Variants in SCRN3 observed in about 807,000 individuals in gnomAD.
SCRN3 encodes the protein secernin 3.
A neutral mutation model predicts 43.1 loss-of-function variants in SCRN3; 39 were observed. The observed-to-expected ratio is 0.91, with a 90% CI of 0.70 to 1.18. The LOEUF (loss-of-function observed/expected upper bound fraction) is 1.18. SCRN3 is among the 50% of genes most tolerant of loss of function. The pLI is 0.00. For missense variants in SCRN3, 484 were observed against 498.0 expected (o/e 0.97, Z 0.27); for synonymous variants, 147 against 163.1 (o/e 0.90, Z 0.75).
chr2:174,409,717 CGTGTGAG>C (rs1685831016), intron 5 of SCRN3, among the ~76,000 whole-genome samples: 1 of 140,574 alleles, frequency 7.1e-6, no homozygotes, highest in Non-Finnish European at 1.6e-5. Flanking sequence ...AATACCCTGC[CGTGTGAG>C]GTGTCAGTGT....
At chr2:174,414,543 A>T (rs1686035597) in intron 5 of SCRN3, among the ~76,000 whole-genome samples, 2 of 152,174 alleles carry the variant, frequency 1.3e-5, no homozygotes, top group Admixed American at 1.3e-4. Context: ...ATATATACAG[A>T]ACATTCTCAT....
chr2:174,421,519 A>G (rs148796826), intron 5 of SCRN3, among the ~76,000 whole-genome samples: 1 of 152,348 alleles, frequency 6.6e-6, no homozygotes, highest in East Asian at 1.9e-4. Context: ...GCAGGGAGAC[A>G]AAGGCAGGTC....
At chr2:174,409,899 C>T (rs905881496) in intron 5 of SCRN3, 2 of 138,756 alleles carry the variant, frequency 1.4e-5, no homozygotes, top group African/African-American at 5.2e-5. Context: ...GTAGAGGTTA[C>T]TGCTGTCTTT....
In SCRN3 at chr2:174,427,796, G is replaced by A. The variant is rs1686539444; in HGVS notation, c.1176G>A (p.Lys392=). Residue 392 remains lysine (K), a synonymous_variant, in exon 8 of 8, where the codon AAG becomes AAA. Transcript: ENST00000272732. ...FREMESILQN[K]HLDVEKIVNL... is the part of the protein sequence containing the mutation. ...AGATGGAATCAATCCTTCAAAACAA[G>A]CATCTTGATGTGGAGAAAATTGTTA... 2 of 1,611,468 alleles carry A rather than the reference G, an allele frequency of 1.2e-6. No individual in the cohort carries two copies. The highest frequency in any genetic ancestry group is 8.5e-7 in the Non-Finnish European group (1 of 1,177,968).
At chr2:174,402,786 A>G (rs1409344929) in intron 4 of SCRN3, among the ~76,000 whole-genome samples, 2 of 152,202 alleles carry the variant, frequency 1.3e-5, no homozygotes, top group Non-Finnish European at 2.9e-5. Context: ...TAATGAGGGT[A>G]TCCCAAGTAT....
chr2:174,419,190 T>G (rs190022616), intron 5 of SCRN3, among the ~76,000 whole-genome samples: 39 of 152,320 alleles, frequency 2.6e-4, no homozygotes, highest in African/African-American at 9.1e-4. Context: ...TCTCTTTGTT[T>G]TTATGAGTTA....
At chr2:174,426,833 T>A (rs1235601257) in intron 7 of SCRN3, among the ~76,000 whole-genome samples, 1 of 151,954 alleles carries the variant, frequency 6.6e-6, no homozygotes, top group African/African-American at 2.4e-5. Flanking sequence ...AGTAACTTTT[T>A]ATTTATTTAT....
chr2:174,401,569 G>A (rs994636552), intron 4 of SCRN3, among the ~76,000 whole-genome samples: 1 of 152,202 alleles, frequency 6.6e-6, no homozygotes, highest in African/African-American at 2.4e-5. Flanking sequence ...AGTGGGGTTA[G>A]AGACAGGTGT....
intron 5 of SCRN3, among the ~76,000 whole-genome samples, chr2:174,414,905 AG>A (rs2105603696): frequency 6.6e-6 from 1 of 152,024 alleles, no homozygotes; most frequent in South Asian, 2.1e-4. Flanking sequence ...CTGGGATTAC[AG>A]GTGCCTGCCA....
intron 5 of SCRN3, among the ~76,000 whole-genome samples, chr2:174,411,259 A>G (rs933044733): frequency 2.6e-5 from 4 of 152,186 alleles, no homozygotes; most frequent in African/African-American, 4.8e-5. Flanking sequence ...CTGTATTTCT[A>G]TACCCACTAT....
In SCRN3 at chr2:174,405,662, A is replaced by G. The variant is rs1347660924; in HGVS notation, c.754+1347A>G. ...AGGTGTAAGGGAGGGATCCAGTTTC[A>G]GCTTCCTACATATGGCTAGCCAGTT... On this transcript the variant is annotated intron_variant, in intron 5 of 7. Transcript: ENST00000272732. Among the ~76,000 whole-genome samples, 2 of 146,144 alleles carry G rather than the reference A, an allele frequency of 1.4e-5. 1 individual carries two copies.
chr2:174,411,063 A>C (rs771937690), intron 5 of SCRN3, among the ~76,000 whole-genome samples: 11 of 151,760 alleles, frequency 7.2e-5, no homozygotes, highest in Non-Finnish European at 1.6e-4. Flanking sequence ...GAAAAATGCT[A>C]CTCCACTCCC....
chr2:174,422,917 C>A lies in SCRN3; in HGVS notation c.787C>A (p.Leu263Ile), dbSNP rs147537313. The A allele has an allele frequency of 5.0e-6, 8 of 1,609,766 alleles. No homozygotes were observed. In the African/African-American group the frequency reaches 1.1e-4, roughly 21 times the overall value. The change falls in exon 6 of 8, where the codon CTT becomes ATT. Residue 263 changes from leucine to isoleucine, a missense_variant. By Grantham distance (5) the Leu-to-Ile change is conservative. Transcript: ENST00000272732. ...NITFETMMEI[L>I]RDKPSGINME... ...AACTTTTGAAACAATGATGGAAATTCTTCGAGATAAACCAAGTGGCATTAA... is the reference window on the plus strand; with the variant it reads ...AACTTTTGAAACAATGATGGAAATTATTCGAGATAAACCAAGTGGCATTAA...
downstream of SCRN3, among the ~76,000 whole-genome samples, chr2:174,429,989 T>C (rs567279497): frequency 2.0e-5 from 3 of 152,350 alleles, no homozygotes; most frequent in East Asian, 5.8e-4. Context: ...TAATATTCGA[T>C]TGTCTGAATA....
At chr2:174,401,418 C>T (rs574105858) in intron 4 of SCRN3, among the ~76,000 whole-genome samples, 2 of 152,232 alleles carry the variant, frequency 1.3e-5, no homozygotes, top group African/African-American at 4.8e-5. Flanking sequence ...TTTCATATAA[C>T]CTGTATATAC....
At chr2:174,420,843 A>G (rs1170092566) in intron 5 of SCRN3, among the ~76,000 whole-genome samples, 1 of 152,210 alleles carries the variant, frequency 6.6e-6, no homozygotes, top group East Asian at 1.9e-4. Context: ...AAGGTCTCAC[A>G]TACATAAGAT....
At chr2:174,402,023 T>G (rs1229035097) in intron 4 of SCRN3, among the ~76,000 whole-genome samples, 1 of 152,212 alleles carries the variant, frequency 6.6e-6, no homozygotes, top group Non-Finnish European at 1.5e-5. Context: ...TTCATGAAGG[T>G]AGCCTTGAAC....
chr2:174,402,313 A>T (rs571195468), intron 4 of SCRN3, among the ~76,000 whole-genome samples: 1 of 152,178 alleles, frequency 6.6e-6, no homozygotes, highest in Non-Finnish European at 1.5e-5. Flanking sequence ...CTGTAGATTA[A>T]TTTTGCCAAT....
At chr2:174,416,636 A>T (rs1458685283) in intron 5 of SCRN3, among the ~76,000 whole-genome samples, 1 of 152,158 alleles carries the variant, frequency 6.6e-6, no homozygotes, top group Non-Finnish European at 1.5e-5. Context: ...TAGTCTTAGG[A>T]GGTGGGCACT....
Sources: gnomAD v4.1 joint callset for allele counts (sites outside exome capture counted in the v4.1 genomes callset) on GRCh38, gnomAD v4.1.1 for gene constraint, MANE v1.5 for transcripts, NCBI Gene and HGNC (gene_info 2026-07-23, HGNC 2026-07-21) for gene names.